The following ELFN2 variants were observed in gnomAD, a reference collection of about 807,000 sequenced individuals.
ELFN2 encodes the protein protein phosphatase 1 regulatory subunit 29.
Under a neutral mutation model 45.5 loss-of-function variants are expected in ELFN2, and 17 were observed. That is an observed-to-expected ratio of 0.37 (90% CI 0.26 to 0.56). The LOEUF (loss-of-function observed/expected upper bound fraction) is 0.56, where lower values mean the gene tolerates loss of function less well. Among genes scored for constraint, ELFN2 ranks in the 20% least tolerant of loss-of-function variants. ELFN2 has a pLI of 0.77. For missense variants in ELFN2, 922 were observed against 1,183.2 expected, an observed-to-expected ratio of 0.78 and a Z score of 3.24; for synonymous variants, 550 against 551.5, an observed-to-expected ratio of 1.00 and a Z score of 0.04.
In ELFN2 at chr22:37,374,678, G is replaced by A. The variant is rs141906471; in HGVS notation, c.857C>T (p.Pro286Leu). ...CGACGCATCCGTGGTGGACGAGGCC[G>A]GCGGCTCCACCGAAAGGATCTCGTC... is the stretch of plus-strand genomic sequence containing the variant. ...NPDEILSVEP[P>L]ASSTTDASAG... The change falls in exon 3 of 3, where the codon CCG (proline) becomes CTG (leucine). Residue 286 changes from proline (P) to leucine (L), a missense_variant. By Grantham distance (98) the Pro-to-Leu change is moderately conservative. Around this residue, in one of 2 missense-constraint regions of ELFN2, gnomAD observed 358 missense variants for 540.4 expected, o/e 0.66. Transcript: ENST00000402918. The A allele has an allele frequency of 1.2e-5, 19 of 1,611,746 alleles. No homozygotes were observed. Among genetic ancestry groups the A allele is most frequent in the South Asian group, 2.2e-5 (2 of 91,044 alleles).
At position 37,411,469 on chromosome 22, in the gene ELFN2, G is replaced by A. The variant is rs76895682; in HGVS notation, c.-463+6300C>T. Among the ~76,000 whole-genome samples, 1,235 of 152,282 alleles carry A rather than the reference G, an allele frequency of 8.1e-3. 11 individuals are homozygous for A. The highest frequency in any genetic ancestry group is 0.013 in the Non-Finnish European group (897 of 68,012). ...CCAGCCCTGGGTGAGGAGGGGAAGC[G>A]GAGAAGGTCTGTGTGCCCCCACAGA... On this transcript the variant is annotated intron_variant, in intron 2 of 2. Coordinates refer to ENST00000402918, the MANE Select transcript of ELFN2 (RefSeq NM_052906.5).
intron 1 of ELFN2, among the ~76,000 whole-genome samples, chr22:37,426,669 A>C (rs1214031269): frequency 5.0e-5 from 7 of 139,712 alleles, no homozygotes; most frequent in Admixed American, 4.3e-4. Context: ...ACACACACAC[A>C]CCCGGCAGTG....
chr22:37,361,894 C>T (rs998235002), intron 1 of ELFN2, among the ~76,000 whole-genome samples: 3 of 152,198 alleles, frequency 2.0e-5, no homozygotes, highest in South Asian at 2.1e-4. Context: ...ACCCTCTTCT[C>T]GCCCACAGCA....
In ELFN2 at chr22:37,373,672, G is replaced by A. The variant is rs144139706; in HGVS notation, c.1863C>T (p.Asp621=). ...TGCAGGTCTTGCGGGTCACGGCCGC[G>A]TCGGCGCTCAGCTGGCGCTGTAGTG... ...HHPLQRQLSA[D]AAVTRKTCSV... is the part of the protein sequence containing the mutation. The change falls in exon 3 of 3, where the codon GAC becomes GAT. Residue 621 remains aspartate (D), a synonymous_variant. Coordinates refer to ENST00000402918, the MANE Select transcript of ELFN2 (RefSeq NM_052906.5). 2,086 of 1,572,518 alleles carry A rather than the reference G, an allele frequency of 1.3e-3. 26 individuals are homozygous for A. In the African/African-American group the frequency reaches 0.025, roughly 19 times the overall value.
At chr22:37,366,863 T>A (rs1349388973), downstream of ELFN2, among the ~76,000 whole-genome samples, 1 of 152,128 alleles carries the variant, frequency 6.6e-6, no homozygotes, top group Non-Finnish European at 1.5e-5. Flanking sequence ...GGGACAGGCG[T>A]CCAGCTGGGG....
intron 1 of ELFN2, among the ~76,000 whole-genome samples, chr22:37,360,908 G>A (rs1022081013): frequency 6.6e-6 from 1 of 152,192 alleles, no homozygotes; most frequent in Non-Finnish European, 1.5e-5. Context: ...AGAGTGAAGC[G>A]CGGCGCTCCC....
Position 37,354,153 on chromosome 22 carries a change from G to A in ELFN2, n.149-11450C>T, listed in dbSNP as rs190322832. ...GACGCCAGTCTCAAGCGAGGACGTC[G>A]GGCAGAATTCGGTTCATGTGGAGCC... On this transcript the variant is annotated intron_variant and non_coding_transcript_variant, in intron 1 of 2. Transcript: ENST00000452946. The A allele has an allele frequency of 1.8e-4, 27 of 152,310 alleles. No homozygotes were observed. In the East Asian group the frequency reaches 2.1e-3, roughly 12 times the overall value. 9.4% of individuals were successfully genotyped at this position (152,310 alleles called of 1,614,324 possible). A position where few individuals can be genotyped will look rare whatever the true frequency, so the allele number is the denominator to read the frequency against.
chr22:37,394,786 C>A (rs1194729434), intron 2 of ELFN2, among the ~76,000 whole-genome samples: 1 of 152,180 alleles, frequency 6.6e-6, no homozygotes, highest in Admixed American at 6.5e-5. Context: ...TCAACACCAA[C>A]CCCCGACCTT....
intron 2 of ELFN2, among the ~76,000 whole-genome samples, chr22:37,397,073 C>A (rs916940335): frequency 6.6e-6 from 1 of 152,174 alleles, no homozygotes; most frequent in Non-Finnish European, 1.5e-5. Flanking sequence ...ACCACCAACA[C>A]GGTGAACTCC....
rs368011383 is a variant in ELFN2 at position 37,388,434 on chromosome 22, T to C, written c.-462-12438A>G. ...TCCTAGTAGGTGCTCAATAAATATT[T>C]GTTCATGGCTGAGTGAAGGAGGCCA... On this transcript the variant is annotated intron_variant, in intron 2 of 2. Transcript: ENST00000402918. 2.0e-4 allele frequency among the ~76,000 whole-genome samples: 31 copies of C among 152,298 alleles called. 1 individual carries two copies. The highest frequency in any genetic ancestry group is 6.8e-3 in the Middle Eastern group (2 of 294).
chr22:37,425,659 C>G (rs1427080664), intron 1 of ELFN2, among the ~76,000 whole-genome samples: 1 of 152,164 alleles, frequency 6.6e-6, no homozygotes, highest in Non-Finnish European at 1.5e-5. Context: ...AATTAACACT[C>G]TTTCTTCCTG....
At chr22:37,406,209 AG>A (rs1005856819) in intron 2 of ELFN2, among the ~76,000 whole-genome samples, 9 of 152,212 alleles carry the variant, frequency 5.9e-5, no homozygotes, top group Admixed American at 1.3e-4. Context: ...CATTGTCCCG[AG>A]GGCTGAACGA....
At chr22:37,356,185 C>A (rs535987758) in intron 1 of ELFN2, among the ~76,000 whole-genome samples, 48 of 152,140 alleles carry the variant, frequency 3.2e-4, no homozygotes, top group Admixed American at 5.2e-4. Flanking sequence ...ACCTCCTGAG[C>A]AATGTGGGGT....
intron 1 of ELFN2, chr22:37,420,313 C>T (rs1384222619): frequency 6.6e-6 from 1 of 151,252 alleles, no homozygotes; most frequent in African/African-American, 2.4e-5. Context: ...GACGGACAAT[C>T]CCAGCCGGCC....
chr22:37,366,079 T>C (rs1009039357), downstream of ELFN2, among the ~76,000 whole-genome samples: 5 of 152,194 alleles, frequency 3.3e-5, no homozygotes, highest in South Asian at 2.1e-4. Context: ...TGCTCGGTTT[T>C]CAAATAATTG....
At position 37,341,568 on chromosome 22, in the gene ELFN2, G is replaced by A. The variant is rs117172886; in HGVS notation, n.252-599C>T. On this transcript the variant is annotated intron_variant and non_coding_transcript_variant, in intron 2 of 2. Transcript: ENST00000452946. ...ACTGGGCCATATTTCCAACGTGGTTGAAGGTTTCCCGGATGGTTCTATTTC... is the reference window on the plus strand; with the variant it reads ...ACTGGGCCATATTTCCAACGTGGTTAAAGGTTTCCCGGATGGTTCTATTTC... Among the ~76,000 whole-genome samples, 774 of 152,336 alleles carry A rather than the reference G, an allele frequency of 5.1e-3. 2 individuals are homozygous for A. Among genetic ancestry groups the A allele is most frequent in the Non-Finnish European group, 8.1e-3 (552 of 68,030 alleles).
At chr22:37,381,744 G>A (rs913924803) in intron 2 of ELFN2, among the ~76,000 whole-genome samples, 1 of 152,068 alleles carries the variant, frequency 6.6e-6, no homozygotes, top group African/African-American at 2.4e-5. Flanking sequence ...AGGGTCAGAC[G>A]TACAGCGGGT....
chr22:37,381,362 C>T (rs1312306950), intron 2 of ELFN2, among the ~76,000 whole-genome samples: 3 of 152,258 alleles, frequency 2.0e-5, no homozygotes, highest in East Asian at 1.9e-4. Flanking sequence ...CCACAAGCCT[C>T]GAGAGATTTC....
rs537014750 is a variant in ELFN2, at chr22:37,371,810, G to C, written c.*1262C>G. The C allele has an allele frequency of 2.0e-5, 3 of 152,784 alleles. No individual in the cohort carries two copies. In the East Asian group the frequency reaches 5.8e-4, roughly 29 times the overall value. 9.5% of individuals were successfully genotyped at this position (152,784 alleles called of 1,614,324 possible). ...TTGTGCTTTGTTTGATGTTGGGTGGGGGGGTCAGAAAGAGGGAAGTGGCCA... is the reference window on the plus strand; with the variant it reads ...TTGTGCTTTGTTTGATGTTGGGTGGCGGGGTCAGAAAGAGGGAAGTGGCCA... On this transcript the variant is annotated 3_prime_UTR_variant, in exon 3 of 3. Transcript: ENST00000402918. This position sits in a 1 kb window ranked among gnomAD's most constrained non-coding sequence, Gnocchi z 6.4.
Sources: allele counts gnomAD v4.1 joint callset (sites outside exome capture counted in the v4.1 genomes callset), GRCh38; gene constraint gnomAD v4.1.1; regional missense constraint gnomAD v4.1.1; non-coding constraint Gnocchi (gnomAD v3.1); transcripts MANE v1.5; gene names NCBI Gene and HGNC (gene_info 2026-07-23, HGNC 2026-07-21).